Variants in CAT observed in about 807,000 individuals in gnomAD.
The protein encoded by CAT is epididymis secretory sperm binding protein.
Under a neutral mutation model 59.0 loss-of-function variants are expected in CAT, and 43 were observed. The ratio of observed to expected loss-of-function variants is 0.73; its 90% confidence interval spans 0.57 to 0.94. CAT has a LOEUF of 0.94. Ranked by LOEUF, CAT falls within the 40% of genes least tolerant of loss-of-function variation. The pLI, the probability that CAT is intolerant of heterozygous loss-of-function variation, is 0.00. For synonymous variants in CAT, 218 were observed against 230.9 expected (o/e 0.94, Z 0.51); for missense variants, 664 against 682.9 (o/e 0.97, Z 0.31).
rs1474212511 is a variant in CAT, at chr11:34,471,049, G to A, written c.1518+8G>A. The A allele has an allele frequency of 1.2e-6, 2 of 1,612,908 alleles. No homozygotes were observed. The highest frequency in any genetic ancestry group is 2.2e-5 in the South Asian group (2 of 91,054). The stretch of plus-strand genomic sequence containing the variant: ...AATGCTGAGAAGCCTAAGGTAAGCT[G>A]GGAGCAGCCTGGCCATGCAGAGGCT... On this transcript the variant is annotated splice_region_variant and intron_variant, in intron 12 of 12. Coordinates refer to ENST00000241052, the MANE Select transcript of CAT (RefSeq NM_001752.4).
In CAT at chr11:34,439,319, C is replaced by T. The variant is rs958500963; in HGVS notation, c.66+240C>T. 3.9e-5 allele frequency among the ~76,000 whole-genome samples: 6 copies of T among 152,168 alleles called. No individual in the cohort carries two copies. The East Asian group carries it at 9.6e-4, about 24-fold the overall frequency. On this transcript the variant is annotated intron_variant, in intron 1 of 12. Transcript: ENST00000241052. ...TGTCCGCGACAGGCTCGGGTGGTTG[C>T]TTCAGAATTTTGCACTTTTGCCAAC...
intron 1 of CAT, 62 bp downstream of exon 1, chr11:34,439,141 G>A: frequency 6.8e-7 from 1 of 1,461,452 alleles, no homozygotes; most frequent in East Asian, 2.5e-5. Context: ...GCGTCGGCAA[G>A]TAAAGGCCCG....
At position 34,453,879 on chromosome 11, in the gene CAT, C is replaced by G; in HGVS notation, c.664C>G (p.Leu222Val). The change falls in exon 6 of 13, where the codon CTG becomes GTG. Residue 222 changes from leucine (L) to valine (V), a missense_variant. Coordinates refer to ENST00000241052, the MANE Select transcript of CAT (RefSeq NM_001752.4). Reference sequence around the variant, plus strand: ...TGGATATGGATCACATACTTTCAAGCTGGTTAATGCAAATGGGGAGGCAGT... The same window carrying G: ...TGGATATGGATCACATACTTTCAAGGTGGTTAATGCAAATGGGGAGGCAGT... ...MNGYGSHTFKLVNANGEAVYC... is the reference protein window; with the variant it reads ...MNGYGSHTFKVVNANGEAVYC... The G allele has an allele frequency of 6.2e-7, 1 of 1,613,766 alleles. No homozygotes were observed. The highest frequency in any genetic ancestry group is 8.5e-7 in the Non-Finnish European group (1 of 1,179,682).
rs922268689 is a variant in CAT at position 34,454,035 on chromosome 11, C to G, written c.711+109C>G. ...GGCTTCTCCCACTTTTCCCTCACCT[C>G]CATCCCCAAAGTTGGGAAGTATTGA... On this transcript the variant is annotated intron_variant, in intron 6 of 12. Coordinates refer to ENST00000241052, the MANE Select transcript of CAT (RefSeq NM_001752.4). The G allele has an allele frequency of 3.5e-5, 42 of 1,189,996 alleles. No individual in the cohort carries two copies. In the African/African-American group the frequency reaches 6.4e-4, roughly 18 times the overall value. The allele number at this position is 1,189,996 out of a possible 1,614,324, so 73.7% of individuals were successfully genotyped here.
chr11:34,453,946 C>A lies in CAT; in HGVS notation c.711+20C>A. On this transcript the variant is annotated intron_variant, in intron 6 of 12. Coordinates refer to ENST00000241052, the MANE Select transcript of CAT (RefSeq NM_001752.4). The stretch of plus-strand genomic sequence containing the variant: ...TATAAGGTATGTGTTACCTTTGGGG[C>A]AGAGGGTACAAGGCTCCTACCGCAT... 6.2e-7 allele frequency: 1 copy of A among 1,612,068 alleles called. No homozygotes were observed. Among genetic ancestry groups the A allele is most frequent in the Non-Finnish European group, 8.5e-7 (1 of 1,178,492 alleles).
intron 11 of CAT, among the ~76,000 whole-genome samples, chr11:34,469,405 A>C (rs1410411133): frequency 6.6e-6 from 1 of 152,100 alleles, no homozygotes; most frequent in Non-Finnish European, 1.5e-5. Context: ...ATATGCTGAA[A>C]CTGTAAGGCT....
intron 8 of CAT, 159 bp downstream of exon 8, chr11:34,456,976 A>G: frequency 1.3e-6 from 1 of 748,832 alleles, no homozygotes; most frequent in East Asian, 2.7e-5. Flanking sequence ...CACTGAGGTG[A>G]ACTATTCTTC....
rs1290025350 is a variant in CAT, at chr11:34,449,338, G to A, written c.213G>A (p.Glu71=). The A allele has an allele frequency of 6.2e-7, 1 of 1,614,096 alleles. No individual in the cohort carries two copies. Among genetic ancestry groups the A allele is most frequent in the African/African-American group, 1.3e-5 (1 of 74,942 alleles). ...ATTTTGACCGAGAGAGAATTCCTGA[G>A]AGAGTTGTGCATGCTAAAGGAGCAG... is the stretch of plus-strand genomic sequence containing the variant. The part of the protein sequence containing the change: ...MAHFDRERIP[E]RVVHAKGAGA... The change falls in exon 2 of 13, where the codon GAG becomes GAA. Residue 71 remains glutamate, a synonymous_variant. Coordinates refer to ENST00000241052, the MANE Select transcript of CAT (RefSeq NM_001752.4).
chr11:34,468,466 T>A, intron 11 of CAT, 71 bp downstream of exon 11: 1 of 1,098,876 alleles, frequency 9.1e-7, no homozygotes, highest in Middle Eastern at 2.0e-4. Flanking sequence ...GGGAGAACCC[T>A]AAAAAGAAAG....
intron 1 of CAT, among the ~76,000 whole-genome samples, chr11:34,439,510 G>A (rs1009821132): frequency 3.3e-5 from 5 of 152,274 alleles, no homozygotes; most frequent in Non-Finnish European, 5.9e-5. Flanking sequence ...TCCCAGCAGG[G>A]CAGGGATTGT....
At chr11:34,455,951 T>C (rs745960781) in intron 6 of CAT, 60 bp from the exon 7 acceptor site, 3 of 1,440,188 alleles carry the variant, frequency 2.1e-6, no homozygotes, top group Non-Finnish European at 2.9e-6. Context: ...GAATTACTGA[T>C]GAAATTTTGA....
At position 34,439,150 on chromosome 11, in the gene CAT, C is replaced by G. The variant is rs368753937; in HGVS notation, c.66+71C>G. On this transcript the variant is annotated intron_variant, in intron 1 of 12. Coordinates refer to ENST00000241052, the MANE Select transcript of CAT (RefSeq NM_001752.4). The stretch of plus-strand genomic sequence containing the variant: ...GCGGGGGCGTCGGCAAGTAAAGGCC[C>G]GGCTTCCCCCGGGGCGGCGCTTGGA... 1.1e-4 allele frequency: 155 copies of G among 1,406,606 alleles called. No individual in the cohort carries two copies. The African/African-American group carries it at 1.7e-3, about 15-fold the overall frequency. 87.1% of individuals were successfully genotyped at this position (1,406,606 alleles called of 1,614,324 possible). A position where few individuals can be genotyped will look rare whatever the true frequency, so the allele number is the denominator to read the frequency against.
chr11:34,440,307 T>C (rs998075093), intron 1 of CAT, among the ~76,000 whole-genome samples: 2 of 152,200 alleles, frequency 1.3e-5, no homozygotes, highest in African/African-American at 4.8e-5. Flanking sequence ...TTCTTTGTTA[T>C]ATACCATTAG....
At chr11:34,449,125 C>T (rs376106918) in intron 1 of CAT, 67 bp from the exon 2 acceptor site, 154 of 1,334,328 alleles carry the variant, frequency 1.2e-4, no homozygotes, top group African/African-American at 5.7e-4. Context: ...GCTATGTACC[C>T]GTGACAGTGT....
At position 34,450,922 on chromosome 11, in the gene CAT, C is replaced by A. The variant is rs1002194488; in HGVS notation, c.239-66C>A. On this transcript the variant is annotated intron_variant, in intron 2 of 12. Transcript: ENST00000241052. ...ATCATTTTCTCTTGTCACCCAGGTG[C>A]CTGTTGAGGACCTGAATGTCTGAGT... is the stretch of plus-strand genomic sequence containing the variant. The A allele has an allele frequency of 5.9e-6, 6 of 1,009,986 alleles. No individual in the cohort carries two copies. In the Admixed American group the frequency reaches 6.7e-5, roughly 11 times the overall value. The allele number at this position is 1,009,986 out of a possible 1,614,324, so 62.6% of individuals were successfully genotyped here. A position where few individuals can be genotyped will look rare whatever the true frequency, so the allele number is the denominator to read the frequency against.
chr11:34,460,348 A>G (rs925369692), intron 8 of CAT, among the ~76,000 whole-genome samples: 6 of 152,022 alleles, frequency 3.9e-5, no homozygotes, highest in African/African-American at 1.4e-4. Context: ...TTTCATTTTG[A>G]ACCACAGATT....
At chr11:34,451,913 G>C (rs1320120629) in intron 3 of CAT, among the ~76,000 whole-genome samples, 164 bp from the exon 4 acceptor site, 1 of 152,204 alleles carries the variant, frequency 6.6e-6, no homozygotes, top group Non-Finnish European at 1.5e-5. Flanking sequence ...TTTGTGGACT[G>C]AATTAGCTGG....
chr11:34,450,125 T>C (rs1856505708), intron 2 of CAT, among the ~76,000 whole-genome samples: 1 of 152,172 alleles, frequency 6.6e-6, no homozygotes, highest in Non-Finnish European at 1.5e-5. Context: ...TAGATTTTTT[T>C]CTCATCAACG....
In CAT at chr11:34,471,602, C is replaced by A. The variant is rs2266619; in HGVS notation, c.*169C>A. On this transcript the variant is annotated 3_prime_UTR_variant, in exon 13 of 13. Coordinates refer to ENST00000241052, the MANE Select transcript of CAT (RefSeq NM_001752.4). ...GTGTAACAATTTTAATGCTATTTCCCCAGGGGAAAATGAAGGTTAGGATTT... is the reference window on the plus strand; with the variant it reads ...GTGTAACAATTTTAATGCTATTTCCACAGGGGAAAATGAAGGTTAGGATTT... 197 of 661,900 alleles carry A rather than the reference C, an allele frequency of 3.0e-4. 3 individuals carry two copies. The highest frequency in any genetic ancestry group is 1.8e-3 in the Admixed American group (75 of 42,646). 41.0% of individuals were successfully genotyped at this position (661,900 alleles called of 1,614,324 possible).
Sources: allele counts gnomAD v4.1 joint callset (sites outside exome capture counted in the v4.1 genomes callset), GRCh38; gene constraint gnomAD v4.1.1; transcripts MANE v1.5; gene names NCBI Gene and HGNC (gene_info 2026-07-23, HGNC 2026-07-21).